The following FREM1 variants were observed in gnomAD, a reference collection of about 807,000 sequenced individuals.
FREM1 encodes the protein FRAS1 related extracellular matrix 1.
In FREM1, 220 loss-of-function variants were observed where a neutral mutation model predicts 210.1. The ratio of observed to expected loss-of-function variants is 1.05; its 90% confidence interval spans 0.94 to 1.17. The LOEUF is 1.17. FREM1 is among the 50% of genes most tolerant of loss of function. The pLI, the probability that FREM1 is intolerant of heterozygous loss-of-function variation, is 0.00. For synonymous variants in FREM1, 1,189 were observed against 980.2 expected (o/e 1.21, Z -3.98); for missense variants, 3,454 against 2,675.5 (o/e 1.29, Z -6.42).
intron 10 of FREM1, among the ~76,000 whole-genome samples, chr9:14,835,627 C>T (rs148452189): frequency 6.6e-6 from 1 of 152,140 alleles, no homozygotes; most frequent in Non-Finnish European, 1.5e-5. Context: ...AAGGATCACC[C>T]AACTCACAGG....
At chr9:14,803,200 CTCTT>C (rs1817636565) in intron 19 of FREM1, among the ~76,000 whole-genome samples, 1 of 143,168 alleles carries the variant, frequency 7.0e-6, no homozygotes, top group African/African-American at 2.6e-5. Flanking sequence ...TCCTCCCTCC[CTCTT>C]TCTTCTTTCT....
chr9:14,737,307 A>T lies in FREM1; in HGVS notation c.*89T>A. 1.1e-6 allele frequency: 1 copy of T among 950,100 alleles called. No homozygotes were observed. The highest frequency in any genetic ancestry group is 2.6e-5 in the East Asian group (1 of 39,156). 58.9% of individuals were successfully genotyped at this position (950,100 alleles called of 1,614,324 possible). Reference sequence around the variant, plus strand: ...ACAAAGGTATACCCACTCAATCATAACAATTTGTTTTCTATGGAGCAATAT... The same window carrying T: ...ACAAAGGTATACCCACTCAATCATATCAATTTGTTTTCTATGGAGCAATAT... On this transcript the variant is annotated 3_prime_UTR_variant, in exon 37 of 37. Transcript: ENST00000380880.
intron 15 of FREM1, among the ~76,000 whole-genome samples, chr9:14,814,575 C>T (rs890457213): frequency 6.6e-6 from 1 of 152,194 alleles, no homozygotes; most frequent in African/African-American, 2.4e-5. Context: ...ATAATATTCT[C>T]TACTTTTCTA....
In FREM1 at chr9:14,745,036, A is replaced by G. The variant is rs1307659697; in HGVS notation, c.6254+1317T>C. Among the ~76,000 whole-genome samples, 17 of 152,320 alleles carry G rather than the reference A, an allele frequency of 1.1e-4. No individual in the cohort carries two copies. The East Asian group carries it at 3.3e-3, about 29-fold the overall frequency. On this transcript the variant is annotated intron_variant, in intron 35 of 36. Coordinates refer to ENST00000380880, the MANE Select transcript of FREM1 (RefSeq NM_001379081.2). Reference sequence around the variant, plus strand: ...GCAGGAACAGAAAACCAAATGCTGCATGTTCTCATAAGTGAGAGCTACATG... The same window carrying G: ...GCAGGAACAGAAAACCAAATGCTGCGTGTTCTCATAAGTGAGAGCTACATG...
chr9:14,791,867 C>G (rs572460570), intron 22 of FREM1, among the ~76,000 whole-genome samples: 29 of 150,738 alleles, frequency 1.9e-4, no homozygotes, highest in African/African-American at 7.0e-4. Context: ...GAGTCTTGCT[C>G]TGTCACCCAG....
At chr9:14,752,455 C>T (rs1843562749) in intron 29 of FREM1, among the ~76,000 whole-genome samples, 1 of 152,142 alleles carries the variant, frequency 6.6e-6, no homozygotes, top group Non-Finnish European at 1.5e-5. Context: ...AGCCAGACTG[C>T]AGAGAGCCCT....
At chr9:14,750,465 C>T (rs973106704) in intron 29 of FREM1, among the ~76,000 whole-genome samples, 189 bp from the exon 30 acceptor site, 5 of 151,950 alleles carry the variant, frequency 3.3e-5, no homozygotes, top group South Asian at 2.1e-4. Flanking sequence ...TGTTCCTGGA[C>T]GATGATGTTT....
rs558816569 is a variant in FREM1, at chr9:14,875,453, C to A, written c.-267-6209G>T. On this transcript the variant is annotated intron_variant, in intron 1 of 36. Coordinates refer to ENST00000380880, the MANE Select transcript of FREM1 (RefSeq NM_001379081.2). ...TCCTCCATCACTGATACCCTTTCTT[C>A]CAGTTGATCGCATCGGCTCCTGAGG... is the stretch of plus-strand genomic sequence containing the variant. 1.3e-3 allele frequency among the ~76,000 whole-genome samples: 201 copies of A among 152,344 alleles called. 1 individual carries two copies. The highest frequency in any genetic ancestry group is 4.7e-3 in the African/African-American group (197 of 41,574).
intron 24 of FREM1, 97 bp from the exon 25 acceptor site, chr9:14,776,300 TGTC>T (rs1161201773): frequency 1.4e-5 from 18 of 1,330,914 alleles, no homozygotes; most frequent in Non-Finnish European, 1.8e-5. Flanking sequence ...TAAAGGGTAT[TGTC>T]GTGTTGTGAC....
chr9:14,844,415 G>A (rs1304130542), intron 8 of FREM1, among the ~76,000 whole-genome samples: 1 of 151,968 alleles, frequency 6.6e-6, no homozygotes, highest in African/African-American at 2.4e-5. Context: ...AGTAGAGATG[G>A]GGTTTCACCA....
chr9:14,907,819 A>T (rs1818043044), intron 1 of FREM1, among the ~76,000 whole-genome samples: 1 of 152,250 alleles, frequency 6.6e-6, no homozygotes, highest in African/African-American at 2.4e-5. Context: ...AGTCATATCC[A>T]TCAATGTCAG....
In FREM1 at chr9:14,859,522, G is replaced by A. The variant is rs369768647; in HGVS notation, c.330-38C>T. ...CAGGGCAAAAGCAATATTAATTGGT[G>A]CTCAGGTATTTCTGATACCCATGTA... On this transcript the variant is annotated intron_variant, in intron 3 of 36. Transcript: ENST00000380880. 23 of 1,547,120 alleles carry A rather than the reference G, an allele frequency of 1.5e-5. No individual in the cohort carries two copies. The African/African-American group carries it at 2.6e-4, about 17-fold the overall frequency.
At chr9:14,799,995 T>A (rs981987335) in intron 20 of FREM1, among the ~76,000 whole-genome samples, 1 of 134,104 alleles carries the variant, frequency 7.5e-6, no homozygotes, top group Non-Finnish European at 1.6e-5. Context: ...CCCCTTCCTG[T>A]GTCCATGTGT....
intron 2 of FREM1, among the ~76,000 whole-genome samples, chr9:14,868,264 G>C (rs1027635626): frequency 6.6e-6 from 1 of 152,112 alleles, no homozygotes; most frequent in Non-Finnish European, 1.5e-5. Flanking sequence ...CTCGGGGCAG[G>C]AATAACTCCA....
intron 1 of FREM1, among the ~76,000 whole-genome samples, chr9:14,893,025 T>C (rs149270412): frequency 6.6e-6 from 1 of 152,190 alleles, no homozygotes; most frequent in Non-Finnish European, 1.5e-5. Flanking sequence ...TTTTGTCACA[T>C]GTATTTTACT....
intron 29 of FREM1, among the ~76,000 whole-genome samples, chr9:14,752,297 G>A (rs1459355880): frequency 1.3e-5 from 2 of 152,116 alleles, no homozygotes; most frequent in Admixed American, 6.6e-5. Flanking sequence ...AAAGGATTAG[G>A]AGGGAGGAAA....
chr9:14,742,702 T>C (rs1841786006), intron 35 of FREM1, among the ~76,000 whole-genome samples: 1 of 152,160 alleles, frequency 6.6e-6, no homozygotes, highest in Admixed American at 6.6e-5. Context: ...AAAGGTTAGT[T>C]TGATTCAAAT....
intron 5 of FREM1, among the ~76,000 whole-genome samples, chr9:14,857,332 A>G (rs1035166718): frequency 2.6e-5 from 4 of 152,190 alleles, no homozygotes; most frequent in African/African-American, 9.7e-5. Context: ...CTGATGGTGG[A>G]CCTAGAAGAG....
intron 18 of FREM1, among the ~76,000 whole-genome samples, chr9:14,806,019 G>C (rs369099066): frequency 6.6e-6 from 1 of 152,126 alleles, no homozygotes; most frequent in African/African-American, 2.4e-5. Flanking sequence ...GACCTTGTGA[G>C]CTCCCGCTAG....
Sources: allele counts gnomAD v4.1 joint callset (sites outside exome capture counted in the v4.1 genomes callset), GRCh38; gene constraint gnomAD v4.1.1; transcripts MANE v1.5; gene names NCBI Gene and HGNC (gene_info 2026-07-23, HGNC 2026-07-21).